The following GRK5 variants were observed in gnomAD, a reference collection of about 807,000 sequenced individuals.
GRK5 encodes the protein g protein-coupled receptor kinase GRK5.
Under a neutral mutation model 78.4 loss-of-function variants are expected in GRK5, and 40 were observed. The observed-to-expected ratio is 0.51, with a 90% CI of 0.40 to 0.66. GRK5 has a LOEUF of 0.66. Ranked by LOEUF, GRK5 falls within the 30% of genes least tolerant of loss-of-function variation. GRK5 has a pLI of 0.00. For synonymous variants in GRK5, 289 were observed against 296.8 expected (o/e 0.97, Z 0.27); for missense variants, 598 against 759.9 (o/e 0.79, Z 2.50).
chr10:119,325,042 C>T (rs1589745535), intron 1 of GRK5, among the ~76,000 whole-genome samples: 2 of 152,260 alleles, frequency 1.3e-5, no homozygotes, highest in African/African-American at 2.4e-5. Flanking sequence ...GAGAGAGACT[C>T]CTCCCCATCA....
chr10:119,441,656 C>G (rs1853038584), intron 10 of GRK5, among the ~76,000 whole-genome samples: 1 of 152,228 alleles, frequency 6.6e-6, no homozygotes, highest in Admixed American at 6.5e-5. Context: ...TCACATTTTT[C>G]CCATGAAGTA....
At chr10:119,356,544 T>C (rs1163172083) in intron 2 of GRK5, among the ~76,000 whole-genome samples, 3 of 152,234 alleles carry the variant, frequency 2.0e-5, no homozygotes, top group Non-Finnish European at 4.4e-5. Context: ...TTTGTCTATC[T>C]TCTTGATGCC....
At chr10:119,241,566 T>C (rs1849028664) in intron 1 of GRK5, among the ~76,000 whole-genome samples, 1 of 152,198 alleles carries the variant, frequency 6.6e-6, no homozygotes, top group African/African-American at 2.4e-5. Flanking sequence ...TTGTATATAA[T>C]TGTGAAAATT....
intron 1 of GRK5, among the ~76,000 whole-genome samples, chr10:119,317,843 C>T (rs952659013): frequency 2.0e-5 from 3 of 152,008 alleles, no homozygotes; most frequent in Non-Finnish European, 4.4e-5. Context: ...AGAGTGGTCC[C>T]GTCATTCCTT....
Position 119,414,765 on chromosome 10 carries a change from A to G in GRK5, c.340-8401A>G, listed in dbSNP as rs554011099. Among the ~76,000 whole-genome samples, 8 of 152,256 alleles carry G rather than the reference A, an allele frequency of 5.3e-5. No homozygotes were observed. The South Asian group carries it at 1.2e-3, about 24-fold the overall frequency. On this transcript the variant is annotated intron_variant, in intron 4 of 15. Coordinates refer to ENST00000392870, the MANE Select transcript of GRK5 (RefSeq NM_005308.3). Reference sequence around the variant, plus strand: ...CCACATAAAGCTCCTAGGACCTGGCATATCATAAGTGGGTGCTCAAGAAAA... The same window carrying G: ...CCACATAAAGCTCCTAGGACCTGGCGTATCATAAGTGGGTGCTCAAGAAAA...
At chr10:119,394,850 T>TCCAGCCCTATAAAATGAGG (rs1470574154) in intron 3 of GRK5, among the ~76,000 whole-genome samples, 4 of 151,170 alleles carry the variant, frequency 2.6e-5, no homozygotes, top group East Asian at 2.0e-4. Flanking sequence ...CACGTGTGTG[T>TCCAGCCCTATAAAATGAGG]GCACACATGT....
At chr10:119,299,911 C>T (rs1271589516) in intron 1 of GRK5, among the ~76,000 whole-genome samples, 6 of 151,976 alleles carry the variant, frequency 3.9e-5, no homozygotes, top group African/African-American at 1.2e-4. Context: ...GTGCTGCATC[C>T]GTTAACTCGT....
At chr10:119,439,607 G>C (rs1003574200) in intron 9 of GRK5, 124 bp from the exon 10 acceptor site, 1 of 763,718 alleles carries the variant, frequency 1.3e-6, no homozygotes. Context: ...CCTGAGCCAG[G>C]AGGTGGGAAG....
chr10:119,266,497 G>C (rs990598488), intron 1 of GRK5, among the ~76,000 whole-genome samples: 4 of 151,976 alleles, frequency 2.6e-5, no homozygotes, highest in Admixed American at 6.6e-5. Flanking sequence ...TTGTTATCAA[G>C]AAGAGCCCTT....
chr10:119,396,666 T>A (rs571556447), intron 3 of GRK5, 29 bp from the exon 4 acceptor site: 1 of 1,565,826 alleles, frequency 6.4e-7, no homozygotes, highest in South Asian at 1.1e-5. Context: ...GCAAACCTGT[T>A]ATTGTTCTTT....
intron 1 of GRK5, among the ~76,000 whole-genome samples, chr10:119,230,447 G>A (rs890035885): frequency 1.3e-5 from 2 of 152,180 alleles, no homozygotes; most frequent in African/African-American, 4.8e-5. Flanking sequence ...AGGCAAGGAA[G>A]AGCAAAGTCA....
chr10:119,373,658 G>A (rs1354349139), intron 2 of GRK5, among the ~76,000 whole-genome samples: 2 of 152,166 alleles, frequency 1.3e-5, no homozygotes, highest in Non-Finnish European at 2.9e-5. Context: ...CTGAAGTGGG[G>A]TGGGGGGAAT....
At chr10:119,273,092 G>A (rs570757758) in intron 1 of GRK5, among the ~76,000 whole-genome samples, 10 of 152,280 alleles carry the variant, frequency 6.6e-5, no homozygotes, top group Admixed American at 5.2e-4. Context: ...TCCATGCCTC[G>A]GAATATGAAC....
At chr10:119,215,248 T>C (rs1243786402) in intron 1 of GRK5, among the ~76,000 whole-genome samples, 1 of 152,216 alleles carries the variant, frequency 6.6e-6, no homozygotes, top group Non-Finnish European at 1.5e-5. Flanking sequence ...CATGTGTGGC[T>C]AGTGGCCATT....
rs569530785 is a variant in GRK5 at position 119,387,284 on chromosome 10, G to A, written c.261+6357G>A. Among the ~76,000 whole-genome samples, 25 of 152,292 alleles carry A rather than the reference G, an allele frequency of 1.6e-4. No homozygotes were observed. The South Asian group carries it at 4.1e-3, about 25-fold the overall frequency. On this transcript the variant is annotated intron_variant, in intron 3 of 15. Coordinates refer to ENST00000392870, the MANE Select transcript of GRK5 (RefSeq NM_005308.3). Reference sequence around the variant, plus strand: ...CTCTCAAAGTGCTGGGATTACAGACGTGAGCCACCGTGCCCGGCCTTCTGT... The same window carrying A: ...CTCTCAAAGTGCTGGGATTACAGACATGAGCCACCGTGCCCGGCCTTCTGT...
chr10:119,367,001 G>C (rs748991494), intron 2 of GRK5, among the ~76,000 whole-genome samples: 2 of 152,174 alleles, frequency 1.3e-5, no homozygotes, highest in Non-Finnish European at 2.9e-5. Context: ...TGTTCTGGAA[G>C]GCTGTTGTGA....
intron 11 of GRK5, 90 bp downstream of exon 11, chr10:119,442,178 C>T (rs1853051388): frequency 2.0e-6 from 2 of 985,342 alleles, no homozygotes; most frequent in Non-Finnish European, 3.2e-6. Context: ...CGCAGAGCCT[C>T]TCGCCTCTTC....
rs968828539 is a variant in GRK5, at chr10:119,267,156, T to C, written c.52+59187T>C. Among the ~76,000 whole-genome samples, 9 of 152,012 alleles carry C rather than the reference T, an allele frequency of 5.9e-5. No individual in the cohort carries two copies. The highest frequency in any genetic ancestry group is 3.2e-3 in the Middle Eastern group (1 of 316). On this transcript the variant is annotated intron_variant, in intron 1 of 15. Coordinates refer to ENST00000392870, the MANE Select transcript of GRK5 (RefSeq NM_005308.3). The surrounding 1 kb of genome is among the most constrained non-coding windows in gnomAD (Gnocchi z 4.1). ...TACTCAGGATGCTGAGGAAGGAGAA[T>C]TGCTTGAACCTGCGAGGCGGAGGTT...
chr10:119,241,086 G>GA (rs940753040), intron 1 of GRK5, among the ~76,000 whole-genome samples: 7 of 152,208 alleles, frequency 4.6e-5, no homozygotes, highest in South Asian at 4.1e-4. Context: ...TCGGAGACTG[G>GA]AAAAAAATCC....
Sources: gnomAD v4.1 joint callset for allele counts (sites outside exome capture counted in the v4.1 genomes callset) on GRCh38, gnomAD v4.1.1 for gene constraint, Gnocchi (gnomAD v3.1) non-coding constraint, MANE v1.5 for transcripts, NCBI Gene and HGNC (gene_info 2026-07-23, HGNC 2026-07-21) for gene names.